AAMDC: variants seen among roughly 807,000 people sequenced by gnomAD.
AAMDC encodes adipogenesis associated Mth938 domain containing.
AAMDC carries 16 observed loss-of-function variants against 15.5 expected under a neutral mutation model. That is an observed-to-expected ratio of 1.03 (90% CI 0.70 to 1.57). The LOEUF is 1.57. Among genes scored for constraint, AAMDC ranks in the 40% most tolerant of loss-of-function variants. The pLI, the probability that AAMDC is intolerant of heterozygous loss-of-function variation, is 0.00. For synonymous variants in AAMDC, 51 were observed against 51.6 expected (o/e 0.99, Z 0.05); for missense variants, 141 against 144.9 (o/e 0.97, Z 0.14).
intron 1 of AAMDC, among the ~76,000 whole-genome samples, chr11:77,826,648 C>A (rs987620582): frequency 6.6e-6 from 1 of 152,180 alleles, no homozygotes; most frequent in Admixed American, 6.5e-5. Context: ...TCTCCAACAA[C>A]ACCCAGCAAC....
At chr11:77,830,478 A>T (rs1473799180) in intron 1 of AAMDC, among the ~76,000 whole-genome samples, 2 of 105,486 alleles carry the variant, frequency 1.9e-5, no homozygotes, top group African/African-American at 7.3e-5. Flanking sequence ...GACGACACCC[A>T]CCCCCCACCC....
intron 2 of AAMDC, among the ~76,000 whole-genome samples, chr11:77,852,199 T>G (rs1950412931): frequency 1.4e-5 from 1 of 69,132 alleles, no homozygotes; most frequent in Admixed American, 2.3e-4. Context: ...CACTCCAGCC[T>G]GGCCAACAGA....
At chr11:77,893,285 G>A (rs919980797) in intron 5 of AAMDC, among the ~76,000 whole-genome samples, 1 of 152,144 alleles carries the variant, frequency 6.6e-6, no homozygotes, top group African/African-American at 2.4e-5. Context: ...CAAAACAATT[G>A]TAGATTATAG....
chr11:77,850,225 TG>T (rs1950316578), intron 2 of AAMDC, among the ~76,000 whole-genome samples: 1 of 152,022 alleles, frequency 6.6e-6, no homozygotes, highest in African/African-American at 2.4e-5. Flanking sequence ...CGTAAGAAAA[TG>T]TAAGGTCTTC....
downstream of AAMDC, chr11:77,903,434 T>C (rs1325583177): frequency 3.1e-5 from 50 of 1,605,710 alleles, no homozygotes; most frequent in East Asian, 1.1e-3. Context: ...CAACTTTTCC[T>C]GCAAGGCCTA....
At chr11:77,895,315 C>T (rs1952462256) in intron 5 of AAMDC, among the ~76,000 whole-genome samples, 1 of 151,698 alleles carries the variant, frequency 6.6e-6, no homozygotes, top group South Asian at 2.1e-4. Flanking sequence ...AATACTCTTT[C>T]CTTATGTAAA....
At chr11:77,905,015 A>G (rs2136449965), downstream of AAMDC, among the ~76,000 whole-genome samples, 1 of 152,288 alleles carries the variant, frequency 6.6e-6, no homozygotes, top group East Asian at 1.9e-4. Context: ...GTAAAAGATT[A>G]TTTTGTTTTA....
chr11:77,865,131 T>G lies in AAMDC; in HGVS notation c.133-4591T>G, dbSNP rs1001600896. ...AATTAGACACAGTGTCTAATGTGGT[T>G]GAGTCCCCAACATTCATTCTACTGC... On this transcript the variant is annotated intron_variant, in intron 2 of 3. Transcript: ENST00000393427. Among the ~76,000 whole-genome samples, 4 of 152,334 alleles carry G rather than the reference T, an allele frequency of 2.6e-5. No individual in the cohort carries two copies. In the East Asian group the frequency reaches 7.7e-4, roughly 29 times the overall value.
intron 5 of AAMDC, among the ~76,000 whole-genome samples, chr11:77,897,407 T>C (rs1046488274): frequency 6.6e-6 from 1 of 151,442 alleles, no homozygotes; most frequent in African/African-American, 2.4e-5. Context: ...ATTATGTACT[T>C]ATAACTTTAA....
chr11:77,900,225 G>A (rs1207218183), intron 5 of AAMDC, among the ~76,000 whole-genome samples: 3 of 151,782 alleles, frequency 2.0e-5, no homozygotes, highest in Admixed American at 1.3e-4. Context: ...TCAGCCTCCC[G>A]AGTAGCTGGG....
chr11:77,889,922 G>A (rs1241459002), intron 5 of AAMDC, among the ~76,000 whole-genome samples: 1 of 152,152 alleles, frequency 6.6e-6, no homozygotes, highest in Non-Finnish European at 1.5e-5. Context: ...TTTACGCTCA[G>A]GTGATCAGTG....
chr11:77,832,945 A>G (rs1590927727), intron 1 of AAMDC, among the ~76,000 whole-genome samples: 1 of 88,942 alleles, frequency 1.1e-5, no homozygotes, highest in East Asian at 2.7e-4. Flanking sequence ...TTTATTGTAT[A>G]TATATATGTG....
intron 1 of AAMDC, among the ~76,000 whole-genome samples, chr11:77,822,610 GTAT>G (rs1948969653): frequency 6.6e-6 from 1 of 151,976 alleles, no homozygotes; most frequent in Admixed American, 6.6e-5. Context: ...ATAAGGGTGT[GTAT>G]TATTCCCATT....
chr11:77,894,285 CT>C, intron 5 of AAMDC: 1 of 1,478,754 alleles, frequency 6.8e-7, no homozygotes, highest in Non-Finnish European at 9.4e-7. Context: ...TTATAAAATA[CT>C]TACCTCTGAA....
downstream of AAMDC, among the ~76,000 whole-genome samples, chr11:77,872,565 AG>A (rs1442159519): frequency 6.6e-5 from 10 of 152,210 alleles, no homozygotes; most frequent in Admixed American, 6.5e-4. Flanking sequence ...CAGGAACAGT[AG>A]GAGTATGCCC....
At chr11:77,835,305 T>C (rs181931963) in intron 1 of AAMDC, among the ~76,000 whole-genome samples, 31 of 152,290 alleles carry the variant, frequency 2.0e-4, no homozygotes, top group Admixed American at 1.8e-3. Flanking sequence ...GAGCTCCATA[T>C]TAAACTATGA....
At chr11:77,855,484 T>A (rs1950577334) in intron 2 of AAMDC, 1 of 196,522 alleles carries the variant, frequency 5.1e-6, no homozygotes, top group Non-Finnish European at 1.0e-5. Context: ...CACACCCAGG[T>A]AACTTTTTCT....
intron 2 of AAMDC, among the ~76,000 whole-genome samples, chr11:77,858,490 C>T (rs1317093963): frequency 6.6e-6 from 1 of 151,832 alleles, no homozygotes; most frequent in East Asian, 1.9e-4. Flanking sequence ...TTTTAACGAG[C>T]TCTCTTTGCT....
rs368909024 is a variant in AAMDC, at chr11:77,842,637, T to A, written c.132+9T>A. 2 of 1,613,366 alleles carry A rather than the reference T, an allele frequency of 1.2e-6. No individual in the cohort carries two copies. The highest frequency in any genetic ancestry group is 1.3e-5 in the African/African-American group (1 of 74,886). On this transcript the variant is annotated intron_variant, in intron 2 of 3. Coordinates refer to ENST00000393427, the MANE Select transcript of AAMDC (RefSeq NM_024684.4). ...GAGAAACAGGAACTGAGGTAAGATATTAGTCTTTGGTTGATACTACATGAG... is the reference window on the plus strand; with the variant it reads ...GAGAAACAGGAACTGAGGTAAGATAATAGTCTTTGGTTGATACTACATGAG...
Sources: allele counts gnomAD v4.1 joint callset (sites outside exome capture counted in the v4.1 genomes callset), GRCh38; gene constraint gnomAD v4.1.1; transcripts MANE v1.5; gene names NCBI Gene and HGNC (gene_info 2026-07-23, HGNC 2026-07-21).